Variants in FMN2 observed in about 807,000 individuals in gnomAD.
FMN2 encodes the protein formin 2.
In FMN2, 51 loss-of-function variants were observed where a neutral mutation model predicts 142.3. That is an observed-to-expected ratio of 0.36 (90% CI 0.29 to 0.45). The LOEUF (loss-of-function observed/expected upper bound fraction) is 0.45, where lower values mean the gene tolerates loss of function less well. Ranked by LOEUF, FMN2 falls within the 20% of genes least tolerant of loss-of-function variation. The pLI is 1.00. For synonymous variants in FMN2, 882 were observed against 869.8 expected (o/e 1.01, Z -0.25); for missense variants, 1,936 against 2,122.8 (o/e 0.91, Z 1.73).
intron 7 of FMN2, among the ~76,000 whole-genome samples, chr1:240,263,323 C>A (rs911853080): frequency 6.6e-6 from 1 of 152,146 alleles, no homozygotes; most frequent in Non-Finnish European, 1.5e-5. Flanking sequence ...GAATCTGCTA[C>A]CCTCATAGTC....
chr1:240,404,494 A>G (rs1674086306), intron 15 of FMN2, among the ~76,000 whole-genome samples: 1 of 152,198 alleles, frequency 6.6e-6, no homozygotes, highest in African/African-American at 2.4e-5. Context: ...TTCCCTTAAT[A>G]ATATTGATAA....
intron 8 of FMN2, among the ~76,000 whole-genome samples, chr1:240,298,462 C>T (rs894078787): frequency 1.3e-5 from 2 of 152,180 alleles, no homozygotes; most frequent in Non-Finnish European, 2.9e-5. Context: ...CCTAAACGTC[C>T]TGTATATCAG....
intron 6 of FMN2, among the ~76,000 whole-genome samples, chr1:240,212,627 T>C (rs1314966297): frequency 1.3e-5 from 2 of 152,152 alleles, no homozygotes; most frequent in African/African-American, 4.8e-5. Context: ...AAGTCCAGGG[T>C]GACAATGTTA....
At chr1:240,181,775 T>C (rs747295180) in intron 3 of FMN2, among the ~76,000 whole-genome samples, 102 of 152,208 alleles carry the variant, frequency 6.7e-4, no homozygotes, top group Non-Finnish European at 2.8e-4. Context: ...GCAAAAACAT[T>C]GATACAAAGA....
At chr1:240,139,143 A>G (rs2103248775) in intron 2 of FMN2, among the ~76,000 whole-genome samples, 2 of 152,304 alleles carry the variant, frequency 1.3e-5, no homozygotes, top group East Asian at 3.9e-4. Flanking sequence ...GTGCTGCCTT[A>G]GAGGGTAGAC....
At position 240,188,208 on chromosome 1, in the gene FMN2, A is replaced by C. The variant is rs769324286; in HGVS notation, c.1932A>C (p.Glu644Asp). 1.2e-6 allele frequency: 2 copies of C among 1,613,688 alleles called. No individual in the cohort carries two copies. Among genetic ancestry groups the C allele is most frequent in the African/African-American group, 2.7e-5 (2 of 74,894 alleles). Residue 644 changes from glutamate to aspartate, a missense_variant and splice_region_variant, in exon 4 of 18, where the codon GAA becomes GAC. Glu to Asp is a conservative substitution (Grantham distance 45). Coordinates refer to ENST00000319653, the MANE Select transcript of FMN2 (RefSeq NM_020066.5). ...EEHRLEDAET[E>D]SQSAVSETPQ... Reference sequence around the variant, plus strand: ...CTGTCTGCTTCCTTTCCAATCTAGAATCTCAATCTGCTGTTTCAGAAACTC... The same window carrying C: ...CTGTCTGCTTCCTTTCCAATCTAGACTCTCAATCTGCTGTTTCAGAAACTC...
intron 4 of FMN2, among the ~76,000 whole-genome samples, chr1:240,200,700 G>T (rs1249886534): frequency 2.0e-5 from 3 of 152,096 alleles, no homozygotes; most frequent in Non-Finnish European, 4.4e-5. Flanking sequence ...TGCAGGTAAG[G>T]ATAGGTCATA....
chr1:240,269,526 G>GT (rs1223537514), intron 7 of FMN2, among the ~76,000 whole-genome samples: 60 of 151,484 alleles, frequency 4.0e-4, no homozygotes, highest in Admixed American at 1.4e-3. Flanking sequence ...TGGCTATTTG[G>GT]TTTTTTTTGT....
At chr1:240,226,983 A>G (rs1242599362) in intron 6 of FMN2, among the ~76,000 whole-genome samples, 3 of 152,202 alleles carry the variant, frequency 2.0e-5, no homozygotes. Flanking sequence ...GCAATGTGCT[A>G]GAAGTTCTAG....
chr1:240,158,885 ATATTG>A (rs796537500), intron 2 of FMN2, among the ~76,000 whole-genome samples: 1 of 152,110 alleles, frequency 6.6e-6, no homozygotes, highest in South Asian at 2.1e-4. Context: ...TTTATGTTTC[ATATTG>A]TATTTATTAT....
At chr1:240,201,280 G>A (rs1285070136) in intron 4 of FMN2, among the ~76,000 whole-genome samples, 1 of 152,120 alleles carries the variant, frequency 6.6e-6, no homozygotes, top group Non-Finnish European at 1.5e-5. Flanking sequence ...GTTTATCAAT[G>A]ATTTTTGGAT....
At position 240,429,885 on chromosome 1, in the gene FMN2, T is replaced by G. The variant is rs538761541; in HGVS notation, c.4911-8176T>G. 6.6e-4 allele frequency among the ~76,000 whole-genome samples: 87 copies of G among 132,246 alleles called. 1 individual carries two copies. In the East Asian group the frequency reaches 8.1e-3, roughly 12 times the overall value. 86.8% of individuals were successfully genotyped at this position (132,246 alleles called of 152,430 possible). On this transcript the variant is annotated intron_variant, in intron 15 of 17. Coordinates refer to ENST00000319653, the MANE Select transcript of FMN2 (RefSeq NM_020066.5). Reference sequence around the variant, plus strand: ...AACATTCCTTTTTTGTTTTTTTTTGTTTTTTTTTTGTTTTTTTTGAGGCAG... The same window carrying G: ...AACATTCCTTTTTTGTTTTTTTTTGGTTTTTTTTTGTTTTTTTTGAGGCAG...
rs771026750 is a variant in FMN2 at position 240,103,522 on chromosome 1, G to A, written c.1615+9798G>A. On this transcript the variant is annotated intron_variant, in intron 1 of 17. Transcript: ENST00000319653. ...TTCTGGGTTTCCCAAACAAGGCATT[G>A]CCGTCTAGCTTTGCCATATTCTTGG... is the stretch of plus-strand genomic sequence containing the variant. Among the ~76,000 whole-genome samples the A allele has an allele frequency of 5.3e-5, 8 of 152,240 alleles. No individual in the cohort carries two copies. The East Asian group carries it at 7.7e-4, about 15-fold the overall frequency.
At chr1:240,467,273 G>T (rs964501896) in intron 16 of FMN2, among the ~76,000 whole-genome samples, 1 of 111,952 alleles carries the variant, frequency 8.9e-6, no homozygotes, top group African/African-American at 3.9e-5. Flanking sequence ...AAGTTAAATC[G>T]TTCCTTTTTT....
chr1:240,196,022 A>C (rs1665897326), intron 4 of FMN2, among the ~76,000 whole-genome samples: 1 of 152,304 alleles, frequency 6.6e-6, no homozygotes, highest in Non-Finnish European at 1.5e-5. Context: ...AAACCAAAAC[A>C]AGACAAAAAC....
chr1:240,224,759 C>T (rs1312852631), intron 6 of FMN2, among the ~76,000 whole-genome samples: 1 of 152,146 alleles, frequency 6.6e-6, no homozygotes, highest in Non-Finnish European at 1.5e-5. Context: ...TAATCATTTG[C>T]TGCAGCCAAG....
chr1:240,093,589 C>A lies in FMN2; in HGVS notation c.1480C>A (p.Pro494Thr), dbSNP rs1466308686. ...GACGGAGGAGCTAGGCGCCCGCACG[C>A]CCCGGGTGGGAGGCTCCGCGCACCT... ...DWTEELGARTPRVGGSAHLLE... is the reference protein window; with the variant it reads ...DWTEELGARTTRVGGSAHLLE... The change falls in exon 1 of 18, where the codon CCC becomes ACC. Residue 494 changes from proline (P) to threonine (T), a missense_variant. Physicochemically the swap from Pro to Thr is conservative, Grantham distance 38. Transcript: ENST00000319653. The A allele has an allele frequency of 6.9e-7, 1 of 1,445,822 alleles. No homozygotes were observed. Among genetic ancestry groups the A allele is most frequent in the African/African-American group, 1.5e-5 (1 of 67,002 alleles). The allele number at this position is 1,445,822 out of a possible 1,614,324, so 89.6% of individuals were successfully genotyped here.
At chr1:240,414,659 T>C (rs1051367965) in intron 15 of FMN2, among the ~76,000 whole-genome samples, 2 of 152,010 alleles carry the variant, frequency 1.3e-5, no homozygotes, top group Admixed American at 6.5e-5. Flanking sequence ...TTAAAATACT[T>C]TGTAAACTGT....
chr1:240,332,807 GTTAC>G (rs1671425288), intron 11 of FMN2, among the ~76,000 whole-genome samples: 1 of 152,158 alleles, frequency 6.6e-6, no homozygotes, highest in East Asian at 1.9e-4. Context: ...GGACAGAGCT[GTTAC>G]TTTGATCACT....
Sources: allele counts gnomAD v4.1 joint callset (sites outside exome capture counted in the v4.1 genomes callset), GRCh38; gene constraint gnomAD v4.1.1; transcripts MANE v1.5; gene names NCBI Gene and HGNC (gene_info 2026-07-23, HGNC 2026-07-21).